EYA2: variants seen among roughly 807,000 people sequenced by gnomAD.
The protein encoded by EYA2 is protein phosphatase EYA2.
Under a neutral mutation model 69.2 loss-of-function variants are expected in EYA2, and 31 were observed. The observed-to-expected ratio is 0.45, with a 90% confidence interval of 0.34 to 0.60. EYA2 has a LOEUF of 0.60. Among genes scored for constraint, EYA2 ranks in the 20% least tolerant of loss-of-function variants. The probability of loss-of-function intolerance (pLI) is 0.02; values close to 1 mark genes in which losing one functional copy is unlikely to be tolerated. For synonymous variants in EYA2, 257 were observed against 279.4 expected, an observed-to-expected ratio of 0.92 and a Z score of 0.80; for missense variants, 622 against 701.2, an observed-to-expected ratio of 0.89 and a Z score of 1.28.
At chr20:46,952,316 G>A (rs1348297121) in intron 1 of EYA2, among the ~76,000 whole-genome samples, 5 of 152,110 alleles carry the variant, frequency 3.3e-5, no homozygotes, top group South Asian at 2.1e-4. Flanking sequence ...GGAGGGTGGC[G>A]GGATCTGAGC....
chr20:47,122,743 C>T (rs951848973), intron 9 of EYA2, among the ~76,000 whole-genome samples: 1 of 152,068 alleles, frequency 6.6e-6, no homozygotes, highest in African/African-American at 2.4e-5. Flanking sequence ...CTCCCCACTC[C>T]CCCAGCTTGT....
At chr20:47,106,318 C>T (rs1006150412) in intron 9 of EYA2, among the ~76,000 whole-genome samples, 6 of 152,106 alleles carry the variant, frequency 3.9e-5, no homozygotes, top group Non-Finnish European at 2.9e-5. Flanking sequence ...GCTCAGTAAA[C>T]GTTTGTTGAT....
At position 46,940,478 on chromosome 20, in the gene EYA2, A is replaced by G. The variant is rs952135314; in HGVS notation, c.-11+45491A>G. ...GCCCGCATCCTTAACTGCTCTGCCA[A>G]CGCTACTGTTGCTTATAAAACGTAA... On this transcript the variant is annotated intron_variant, in intron 1 of 15. Transcript: ENST00000327619. Among the ~76,000 whole-genome samples the G allele has an allele frequency of 2.7e-4, 41 of 152,340 alleles. 1 individual carries two copies. The highest frequency in any genetic ancestry group is 8.5e-4 in the Admixed American group (13 of 15,310).
At chr20:47,038,819 G>C (rs140987177) in intron 5 of EYA2, among the ~76,000 whole-genome samples, 1 of 152,128 alleles carries the variant, frequency 6.6e-6, no homozygotes, top group African/African-American at 2.4e-5. Context: ...CTAAGAGTGT[G>C]AGTACTTTAG....
intron 10 of EYA2, among the ~76,000 whole-genome samples, chr20:47,147,059 T>TC: frequency 6.8e-6 from 1 of 148,126 alleles, no homozygotes; most frequent in Non-Finnish European, 1.5e-5. Flanking sequence ...TCTGACTTTT[T>TC]TTTTTTTTTT....
intron 1 of EYA2, chr20:46,979,668 G>A (rs1019352925): frequency 1.3e-5 from 2 of 152,016 alleles, no homozygotes; most frequent in African/African-American, 4.8e-5. Context: ...AGAATGTGAA[G>A]GAAGCCTTCC....
intron 15 of EYA2, among the ~76,000 whole-genome samples, chr20:47,184,413 CT>C (rs36118012): frequency 0.065 from 7,643 of 117,780 alleles, 701 homozygotes; most frequent in African/African-American, 0.21. Flanking sequence ...CATTGCATCC[CT>C]TTTTTTTTTT....
At chr20:47,131,536 C>A (rs1329647754) in intron 9 of EYA2, among the ~76,000 whole-genome samples, 1 of 152,144 alleles carries the variant, frequency 6.6e-6, no homozygotes, top group African/African-American at 2.4e-5. Flanking sequence ...CCTTCTATGG[C>A]CAAAGGGACT....
At chr20:47,018,311 A>G (rs1322497214) in intron 5 of EYA2, among the ~76,000 whole-genome samples, 2 of 152,202 alleles carry the variant, frequency 1.3e-5, no homozygotes, top group Non-Finnish European at 2.9e-5. Context: ...TCATTCATTC[A>G]TTCATTCATT....
chr20:47,100,074 G>C (rs558499637), intron 9 of EYA2, among the ~76,000 whole-genome samples: 1 of 152,280 alleles, frequency 6.6e-6, no homozygotes, highest in South Asian at 2.1e-4. Flanking sequence ...GCATGGAACA[G>C]TGTCTCCCAC....
At chr20:47,125,053 T>C (rs1038355001) in intron 9 of EYA2, among the ~76,000 whole-genome samples, 3 of 126,726 alleles carry the variant, frequency 2.4e-5, no homozygotes, top group Non-Finnish European at 4.7e-5. Context: ...TTAAGTTTTT[T>C]TTTTTTTTTT....
intron 9 of EYA2, among the ~76,000 whole-genome samples, chr20:47,113,303 AG>A (rs2032802732): frequency 6.6e-6 from 1 of 152,204 alleles, no homozygotes; most frequent in Non-Finnish European, 1.5e-5. Context: ...CCCAAGGAGC[AG>A]GAGTGATGAG....
intron 10 of EYA2, among the ~76,000 whole-genome samples, chr20:47,146,856 C>G (rs2033712664): frequency 6.6e-6 from 1 of 152,198 alleles, no homozygotes; most frequent in Admixed American, 6.5e-5. Context: ...GATTCAGCAG[C>G]AAACCAAACA....
At chr20:47,031,709 C>G (rs1042589649) in intron 5 of EYA2, among the ~76,000 whole-genome samples, 12 of 152,082 alleles carry the variant, frequency 7.9e-5, no homozygotes, top group African/African-American at 2.9e-4. Flanking sequence ...ATTTTTATTT[C>G]TGACGTTTCG....
chr20:47,166,039 G>T (rs1429079624), intron 10 of EYA2, among the ~76,000 whole-genome samples: 1 of 151,298 alleles, frequency 6.6e-6, no homozygotes, highest in African/African-American at 2.4e-5. Context: ...TTCAAAAAAA[G>T]AAAAAAAATG....
intron 7 of EYA2, among the ~76,000 whole-genome samples, chr20:47,085,383 C>T (rs1293448159): frequency 2.6e-5 from 4 of 152,090 alleles, no homozygotes; most frequent in Non-Finnish European, 5.9e-5. Flanking sequence ...CATGGTGGCT[C>T]ATGCCTATAA....
chr20:46,957,733 G>A (rs1979223545), intron 1 of EYA2, among the ~76,000 whole-genome samples: 2 of 152,162 alleles, frequency 1.3e-5, no homozygotes, highest in Admixed American at 1.3e-4. Flanking sequence ...TAGACACCTG[G>A]ATTGTGGCCC....
chr20:47,109,254 T>G (rs2032681628), intron 9 of EYA2, among the ~76,000 whole-genome samples: 1 of 152,136 alleles, frequency 6.6e-6, no homozygotes, highest in Non-Finnish European at 1.5e-5. Context: ...CACCAAGCAC[T>G]CACTATCAAT....
intron 5 of EYA2, among the ~76,000 whole-genome samples, chr20:47,027,366 C>G (rs79407563): frequency 0.15 from 22,288 of 152,180 alleles, 1,706 homozygotes; most frequent in Non-Finnish European, 0.16. Context: ...GCCGAGTTCC[C>G]TAATGTGAAT....
Sources: allele counts gnomAD v4.1 joint callset (sites outside exome capture counted in the v4.1 genomes callset), GRCh38; gene constraint gnomAD v4.1.1; transcripts MANE v1.5; gene names NCBI Gene and HGNC (gene_info 2026-07-23, HGNC 2026-07-21).